The following ATP2B1 variants were observed in gnomAD, a reference collection of about 807,000 sequenced individuals.
ATP2B1 encodes plasma membrane calcium-transporting ATPase 1.
In ATP2B1, 14 loss-of-function variants were observed where a neutral mutation model predicts 124.2. The observed-to-expected ratio is 0.11, with a 90% confidence interval of 0.07 to 0.18. The LOEUF is 0.18. Among genes scored for constraint, ATP2B1 ranks in the 10% least tolerant of loss-of-function variants. The pLI is 1.00. For missense variants in ATP2B1, 763 were observed against 1,466.1 expected, an observed-to-expected ratio of 0.52 and a Z score of 7.83; for synonymous variants, 449 against 492.4, an observed-to-expected ratio of 0.91 and a Z score of 1.17.
At chr12:89,599,429 T>C in intron 19 of ATP2B1, 130 bp from the exon 20 acceptor site, 1 of 928,532 alleles carries the variant, frequency 1.1e-6, no homozygotes, top group Non-Finnish European at 1.6e-6. Context: ...AATGGGATCC[T>C]GTTGATTAGT....
rs527819693 is a variant in ATP2B1 at position 89,694,324 on chromosome 12, A to T, written c.-222+14272T>A. Reference sequence around the variant, plus strand: ...TTTAAAAAATCCCCAATGCCACTATAATCTATGACTTTTAATGACAACCTC... The same window carrying T: ...TTTAAAAAATCCCCAATGCCACTATTATCTATGACTTTTAATGACAACCTC... On this transcript the variant is annotated intron_variant, in intron 1 of 20. Transcript: ENST00000428670. 5.3e-5 allele frequency among the ~76,000 whole-genome samples: 8 copies of T among 152,264 alleles called. No homozygotes were observed. The South Asian group carries it at 1.7e-3, about 32-fold the overall frequency.
chr12:89,699,386 T>A (rs1199748917), intron 1 of ATP2B1, among the ~76,000 whole-genome samples: 1 of 152,348 alleles, frequency 6.6e-6, no homozygotes, highest in East Asian at 1.9e-4. Context: ...TTTATCTTCA[T>A]AAATCAAACA....
intron 20 of ATP2B1, among the ~76,000 whole-genome samples, chr12:89,592,424 A>G (rs1873752659): frequency 6.6e-6 from 1 of 152,082 alleles, no homozygotes; most frequent in Non-Finnish European, 1.5e-5. Context: ...GCAATAATGA[A>G]TAATACATTT....
At chr12:89,599,040 A>C (rs554514036) in intron 20 of ATP2B1, 77 bp downstream of exon 20, 4 of 1,494,112 alleles carry the variant, frequency 2.7e-6, no homozygotes, top group Non-Finnish European at 3.6e-6. Flanking sequence ...AAGTTTAAGG[A>C]GCACACTCGA....
intron 1 of ATP2B1, among the ~76,000 whole-genome samples, chr12:89,685,047 T>C (rs17782847): frequency 0.022 from 3,310 of 152,236 alleles, 50 homozygotes; most frequent in Non-Finnish European, 0.033. Context: ...GTCTACCTAA[T>C]TTGTATTTCT....
chr12:89,686,422 T>G (rs536259021), intron 1 of ATP2B1, among the ~76,000 whole-genome samples: 1 of 152,280 alleles, frequency 6.6e-6, no homozygotes, highest in East Asian at 1.9e-4. Flanking sequence ...TGCCAGATAC[T>G]GATATGCTTT....
upstream of ATP2B1, chr12:89,709,040 G>A (rs1892894149): frequency 2.0e-5 from 3 of 151,352 alleles, no homozygotes; most frequent in South Asian, 6.2e-4. Flanking sequence ...AGCAGCCGCG[G>A]GCGGGGTGCA....
chr12:89,620,405 G>A (rs140208854), intron 10 of ATP2B1, among the ~76,000 whole-genome samples, 165 bp from the exon 11 acceptor site: 7 of 152,292 alleles, frequency 4.6e-5, no homozygotes, highest in Non-Finnish European at 8.8e-5. Flanking sequence ...GGAGCCTGGG[G>A]TGAGAATGAC....
chr12:89,678,214 C>T (rs555714570), intron 1 of ATP2B1, among the ~76,000 whole-genome samples: 19 of 151,860 alleles, frequency 1.3e-4, no homozygotes, highest in Non-Finnish European at 2.8e-4. Context: ...AAAAAACCCC[C>T]AATAACCCAT....
chr12:89,678,627 G>A (rs1888966531), intron 1 of ATP2B1, among the ~76,000 whole-genome samples: 1 of 152,156 alleles, frequency 6.6e-6, no homozygotes, highest in African/African-American at 2.4e-5. Context: ...TCTGGCCATG[G>A]CAAATAGGAA....
At chr12:89,688,812 G>A (rs1174483501) in intron 1 of ATP2B1, among the ~76,000 whole-genome samples, 5 of 152,016 alleles carry the variant, frequency 3.3e-5, no homozygotes, top group African/African-American at 4.8e-5. Flanking sequence ...GGTTTTCAAA[G>A]CACTTTTCTA....
In ATP2B1 at chr12:89,657,778, T is replaced by C. The variant is rs138102883; in HGVS notation, c.-221-1671A>G. On this transcript the variant is annotated intron_variant, in intron 1 of 20. Transcript: ENST00000428670. Reference sequence around the variant, plus strand: ...GATGCTATCAGTCTAGGGAGCACACTTGTGAGAATGACTGAACTGGAGAAT... The same window carrying C: ...GATGCTATCAGTCTAGGGAGCACACCTGTGAGAATGACTGAACTGGAGAAT... 2.2e-3 allele frequency among the ~76,000 whole-genome samples: 331 copies of C among 152,324 alleles called. 1 individual carries two copies. The highest frequency in any genetic ancestry group is 7.7e-3 in the African/African-American group (320 of 41,568).
At chr12:89,607,164 G>C (rs977342204) in intron 15 of ATP2B1, among the ~76,000 whole-genome samples, 1 of 152,044 alleles carries the variant, frequency 6.6e-6, no homozygotes, top group Non-Finnish European at 1.5e-5. Context: ...AAGTAGGCTT[G>C]GCAAATGTTC....
intron 1 of ATP2B1, among the ~76,000 whole-genome samples, chr12:89,674,818 A>G (rs1465572890): frequency 6.6e-6 from 1 of 152,190 alleles, no homozygotes; most frequent in Non-Finnish European, 1.5e-5. Flanking sequence ...TTATGGAGGC[A>G]TGGAACCACA....
chr12:89,676,578 A>G (rs1888633221), intron 1 of ATP2B1, among the ~76,000 whole-genome samples: 1 of 152,102 alleles, frequency 6.6e-6, no homozygotes, highest in African/African-American at 2.4e-5. Context: ...ACCCAGCTAT[A>G]TTACAATTTT....
intron 15 of ATP2B1, among the ~76,000 whole-genome samples, chr12:89,608,556 G>A (rs1232210936): frequency 1.3e-5 from 2 of 151,182 alleles, no homozygotes; most frequent in African/African-American, 2.4e-5. Context: ...AAACCATGAA[G>A]AGCTTAAAAA....
rs369838253 is a variant in ATP2B1, at chr12:89,624,201, T to C, written c.1326A>G (p.Ser442=). The C allele has an allele frequency of 1.1e-4, 180 of 1,613,610 alleles. No homozygotes were observed. Among genetic ancestry groups the C allele is most frequent in the Non-Finnish European group, 1.5e-4 (177 of 1,179,674 alleles). The change falls in exon 9 of 21, where the codon TCA becomes TCG. Residue 442 remains serine (S), a synonymous_variant. Transcript: ENST00000428670. ...PEGLPLAVTI[S]LAYSVKKMMK... Reference sequence around the variant, plus strand: ...TACTTACTTTGACTGAATAAGCCAGTGAGATCGTGACTGCAAGTGGAAGAC... The same window carrying C: ...TACTTACTTTGACTGAATAAGCCAGCGAGATCGTGACTGCAAGTGGAAGAC...
chr12:89,595,813 T>C (rs1400860521), intron 20 of ATP2B1, among the ~76,000 whole-genome samples: 1 of 152,086 alleles, frequency 6.6e-6, no homozygotes, highest in African/African-American at 2.4e-5. Flanking sequence ...AGATATGATT[T>C]ACTCCCTGGA....
intron 11 of ATP2B1, among the ~76,000 whole-genome samples, chr12:89,618,317 C>T (rs1879359648): frequency 2.0e-5 from 3 of 152,194 alleles, no homozygotes; most frequent in Non-Finnish European, 4.4e-5. Flanking sequence ...TCACACTAGA[C>T]AGTTGGTATG....
Sources: gnomAD v4.1 joint callset for allele counts (sites outside exome capture counted in the v4.1 genomes callset) on GRCh38, gnomAD v4.1.1 for gene constraint, MANE v1.5 for transcripts, NCBI Gene and HGNC (gene_info 2026-07-23, HGNC 2026-07-21) for gene names.